The following DYSF variants were observed in gnomAD, a reference collection of about 807,000 sequenced individuals.
DYSF encodes dystrophy-associated fer-1-like 1.
A neutral mutation model predicts 274.9 loss-of-function variants in DYSF; 212 were observed. That is an observed-to-expected ratio of 0.77 (90% CI 0.69 to 0.86). DYSF has a LOEUF of 0.86. Ranked by LOEUF, DYSF falls within the 40% of genes least tolerant of loss-of-function variation. The probability of loss-of-function intolerance (pLI) is 0.00; values close to 1 mark genes in which losing one functional copy is unlikely to be tolerated. For missense variants in DYSF, 2,666 were observed against 2,783.2 expected, an observed-to-expected ratio of 0.96 and a Z score of 0.95; for synonymous variants, 1,091 against 1,078.7, an observed-to-expected ratio of 1.01 and a Z score of -0.22.
chr2:71,605,079 G>A (rs1228399209), intron 36 of DYSF, among the ~76,000 whole-genome samples: 1 of 152,154 alleles, frequency 6.6e-6, no homozygotes, highest in Non-Finnish European at 1.5e-5. Context: ...CTGGGTCCTC[G>A]CAGACAGAGC....
chr2:71,572,041 CCACAGATCACACCCAGCACACA>C (rs1223341838), intron 29 of DYSF, among the ~76,000 whole-genome samples: 14 of 110,714 alleles, frequency 1.3e-4, no homozygotes, highest in South Asian at 3.3e-4. Context: ...CCTAGCACAC[CCACAGATCACACCCAGCACACA>C]CACAGATCAC....
Position 71,665,211 on chromosome 2 carries a change from C to T in DYSF, c.5224C>T (p.His1742Tyr), listed in dbSNP as rs769554497. 6.2e-7 allele frequency: 1 copy of T among 1,614,070 alleles called. No homozygotes were observed. The highest frequency in any genetic ancestry group is 8.5e-7 in the Non-Finnish European group (1 of 1,180,038). ...CCAGCTCCGCCCCTCCCAGCTCCTC[C>T]ACCTCTTCTGCCAGCAGCATAGAGT... The part of the protein sequence containing the change: ...RDQLRPSQLL[H>Y]LFCQQHRVKA... Residue 1742 changes from histidine (H) to tyrosine (Y), a missense_variant, in exon 47 of 56, where the codon CAC (histidine) becomes TAC (tyrosine). His to Tyr is a moderately conservative substitution (Grantham distance 83). Around this residue, in one of 3 missense-constraint regions of DYSF, gnomAD observed 1,460 missense variants for 1,502.1 expected, o/e 0.97. Transcript: ENST00000410020.
chr2:71,486,343 C>T (rs1389446394), intron 3 of DYSF, among the ~76,000 whole-genome samples: 1 of 152,040 alleles, frequency 6.6e-6, no homozygotes, highest in African/African-American at 2.4e-5. Flanking sequence ...CCTCAGGCCT[C>T]CCTCATTCTT....
chr2:71,600,921 C>T (rs2093534844), intron 34 of DYSF, 79 bp downstream of exon 34: 5 of 1,585,812 alleles, frequency 3.2e-6, no homozygotes, highest in Admixed American at 3.4e-5. Context: ...GAGCCTGGAA[C>T]ACCTCCTCTG....
intron 17 of DYSF, among the ~76,000 whole-genome samples, chr2:71,539,893 A>G (rs904195869): frequency 6.6e-6 from 1 of 152,180 alleles, no homozygotes; most frequent in African/African-American, 2.4e-5. Flanking sequence ...CTATAATACA[A>G]TTTTAAGTGA....
At chr2:71,582,660 G>GAACAA (rs1250922180) in intron 30 of DYSF, among the ~76,000 whole-genome samples, 6 of 152,078 alleles carry the variant, frequency 3.9e-5, no homozygotes, top group Admixed American at 6.6e-5. Context: ...CAGGTCTCCA[G>GAACAA]AACAAAACAA....
chr2:71,511,684 CA>C, intron 4 of DYSF, 122 bp from the exon 5 acceptor site: 1 of 748,698 alleles, frequency 1.3e-6, no homozygotes, highest in African/African-American at 1.7e-5. Context: ...CAGCCTCCTG[CA>C]AACCTGGCTC....
chr2:71,679,322 C>G (rs1163246677), intron 53 of DYSF, 87 bp downstream of exon 53: 1 of 1,334,888 alleles, frequency 7.5e-7, no homozygotes, highest in Non-Finnish European at 1.0e-6. Flanking sequence ...TCAGAAAATA[C>G]ATGCTTACTG....
chr2:71,481,695 T>C (rs75288288), intron 2 of DYSF, among the ~76,000 whole-genome samples, 184 bp from the exon 3 acceptor site: 2 of 124,456 alleles, frequency 1.6e-5, no homozygotes, highest in African/African-American at 3.1e-5. Context: ...GGTCTTCATC[T>C]ATCCATCCAT....
chr2:71,671,457 C>A (rs2152958214), intron 51 of DYSF, among the ~76,000 whole-genome samples: 1 of 152,324 alleles, frequency 6.6e-6, no homozygotes, highest in South Asian at 2.1e-4. Flanking sequence ...GGCTGCGCCC[C>A]CCGTGGCACC....
chr2:71,531,247 C>T (rs1161388367), intron 14 of DYSF, among the ~76,000 whole-genome samples: 4 of 152,010 alleles, frequency 2.6e-5, no homozygotes, highest in Non-Finnish European at 5.9e-5. Flanking sequence ...CTGTTACCTC[C>T]CCTCTTCCCA....
chr2:71,504,691 C>T (rs1314158418), intron 4 of DYSF, among the ~76,000 whole-genome samples: 2 of 152,216 alleles, frequency 1.3e-5, no homozygotes, highest in Non-Finnish European at 2.9e-5. Flanking sequence ...GGGACACCAG[C>T]ATCTCTCCAC....
rs576956627 is a variant in DYSF, at chr2:71,551,537, G to A, written c.1693-70G>A. 2.2e-6 allele frequency: 3 copies of A among 1,359,590 alleles called. No individual in the cohort carries two copies. In the African/African-American group the frequency reaches 4.3e-5, roughly 19 times the overall value. 84.2% of individuals were successfully genotyped at this position (1,359,590 alleles called of 1,614,324 possible). A position where few individuals can be genotyped will look rare whatever the true frequency, so the allele number is the denominator to read the frequency against. On this transcript the variant is annotated intron_variant, in intron 18 of 55. Transcript: ENST00000410020. ...TGAGAGATGAGCTACCTCAGGGCCAGAGGGTGCCCCTTTCCTTCCCCTCCT... is the reference window on the plus strand; with the variant it reads ...TGAGAGATGAGCTACCTCAGGGCCAAAGGGTGCCCCTTTCCTTCCCCTCCT...
chr2:71,618,307 T>G (rs370140047), intron 40 of DYSF, among the ~76,000 whole-genome samples: 22 of 20,412 alleles, frequency 1.1e-3, no homozygotes, highest in Admixed American at 3.3e-3. Context: ...GTAGAGGTGG[T>G]GTGTGTGTGT....
intron 36 of DYSF, among the ~76,000 whole-genome samples, chr2:71,609,982 C>A (rs1014234994): frequency 4.6e-5 from 7 of 152,162 alleles, no homozygotes; most frequent in Admixed American, 4.6e-4. Context: ...CTATCACAGT[C>A]CTTTTAATTA....
At chr2:71,656,551 A>G (rs1022859933) in intron 43 of DYSF, among the ~76,000 whole-genome samples, 5 of 152,122 alleles carry the variant, frequency 3.3e-5, no homozygotes, top group East Asian at 1.9e-4. Flanking sequence ...GTCAGTGACA[A>G]TTGTATTTGT....
In DYSF at chr2:71,570,490, G is replaced by A. The variant is rs2092354289; in HGVS notation, c.3086-109G>A. On this transcript the variant is annotated intron_variant, in intron 28 of 55. Coordinates refer to ENST00000410020, the MANE Select transcript of DYSF (RefSeq NM_001130987.2). ...ACTCCAAGCTGCAAATTAGGACCGAGAGTCAGTGGCCGCTCAAGAGTCTGT... is the reference window on the plus strand; with the variant it reads ...ACTCCAAGCTGCAAATTAGGACCGAAAGTCAGTGGCCGCTCAAGAGTCTGT... 3 of 1,514,862 alleles carry A rather than the reference G, an allele frequency of 2.0e-6. No individual in the cohort carries two copies. In the South Asian group the frequency reaches 3.5e-5, roughly 18 times the overall value. The allele number at this position is 1,514,862 out of a possible 1,614,324, so 93.8% of individuals were successfully genotyped here. A position where few individuals can be genotyped will look rare whatever the true frequency, so the allele number is the denominator to read the frequency against.
intron 8 of DYSF, 27 bp downstream of exon 8, chr2:71,515,778 G>A (rs1325229230): frequency 1.3e-5 from 21 of 1,613,738 alleles, no homozygotes; most frequent in Non-Finnish European, 1.8e-5. Context: ...ATGAGGGCCA[G>A]AACCTTGGTG....
rs1471334417 is a variant in DYSF, at chr2:71,679,582, T to G, written c.6063+347T>G. ...TGGGCGGGGGTCATGCCTCTCCCAT[T>G]TGAGCAGGACCCTCCAAGGGACCAT... On this transcript the variant is annotated intron_variant, in intron 53 of 55. Coordinates refer to ENST00000410020, the MANE Select transcript of DYSF (RefSeq NM_001130987.2). 3.3e-5 allele frequency among the ~76,000 whole-genome samples: 5 copies of G among 152,030 alleles called. No homozygotes were observed. In the East Asian group the frequency reaches 7.7e-4, roughly 24 times the overall value.
Sources: allele counts gnomAD v4.1 joint callset (sites outside exome capture counted in the v4.1 genomes callset), GRCh38; gene constraint gnomAD v4.1.1; regional missense constraint gnomAD v4.1.1; transcripts MANE v1.5; gene names NCBI Gene and HGNC (gene_info 2026-07-23, HGNC 2026-07-21).